Variants in AUH observed in about 807,000 individuals in gnomAD.
AUH encodes methylglutaconyl-CoA hydratase, mitochondrial.
In AUH, 29 loss-of-function variants were observed where a neutral mutation model predicts 42.3. That is an observed-to-expected ratio of 0.69 (90% confidence interval 0.51 to 0.93). AUH has a LOEUF of 0.93. Among genes scored for constraint, AUH ranks in the 40% least tolerant of loss-of-function variants. The probability of loss-of-function intolerance (pLI) is 0.00; values close to 1 mark genes in which losing one functional copy is unlikely to be tolerated. For missense variants in AUH, 452 were observed against 438.1 expected (o/e 1.03, Z -0.28); for synonymous variants, 174 against 166.4 (o/e 1.05, Z -0.35).
At chr9:91,242,719 C>A (rs1436597566) in intron 6 of AUH, among the ~76,000 whole-genome samples, 2 of 152,096 alleles carry the variant, frequency 1.3e-5, no homozygotes, top group Admixed American at 6.5e-5. Flanking sequence ...AATGAGGGTT[C>A]TAATAAAAGA....
intron 6 of AUH, among the ~76,000 whole-genome samples, chr9:91,250,199 C>T (rs1220606852): frequency 6.6e-6 from 1 of 152,152 alleles, no homozygotes; most frequent in Non-Finnish European, 1.5e-5. Context: ...GCACCTGCTG[C>T]CCAGCACATG....
chr9:91,356,160 T>G lies in AUH; in HGVS notation c.263-5A>C, dbSNP rs781278487. On this transcript the variant is annotated splice_polypyrimidine_tract_variant and splice_region_variant and intron_variant, in intron 1 of 9. Transcript: ENST00000375731. ...TTATTCCAAGCACCACAATTCCTAG[T>G]TAAAGGGGAAAAAAAGTACAAGCAC... The G allele has an allele frequency of 3.1e-6, 5 of 1,612,998 alleles. No homozygotes were observed. In the South Asian group the frequency reaches 5.5e-5, roughly 18 times the overall value.
chr9:91,286,153 G>A lies in AUH; in HGVS notation c.655+9868C>T, dbSNP rs1210506073. On this transcript the variant is annotated intron_variant, in intron 6 of 9. Coordinates refer to ENST00000375731, the MANE Select transcript of AUH (RefSeq NM_001698.3). ...TAAAAGAATAAGCTCAGATTCTGACGGAACTTCTAAAAGGATCTCAACAAA... is the reference window on the plus strand; with the variant it reads ...TAAAAGAATAAGCTCAGATTCTGACAGAACTTCTAAAAGGATCTCAACAAA... Among the ~76,000 whole-genome samples the A allele has an allele frequency of 4.6e-5, 7 of 152,176 alleles. No individual in the cohort carries two copies. In the South Asian group the frequency reaches 6.2e-4, roughly 14 times the overall value.
chr9:91,262,768 C>T (rs954706625), intron 6 of AUH, among the ~76,000 whole-genome samples: 1 of 152,144 alleles, frequency 6.6e-6, no homozygotes, highest in African/African-American at 2.4e-5. Flanking sequence ...TCCGTAACTA[C>T]TCCATCAAGG....
intron 3 of AUH, among the ~76,000 whole-genome samples, chr9:91,352,511 T>C (rs1832070882): frequency 6.6e-6 from 1 of 152,158 alleles, no homozygotes; most frequent in East Asian, 1.9e-4. Context: ...TGACCTACCA[T>C]GCTACTTTTT....
chr9:91,324,654 C>T (rs1486547321), intron 4 of AUH, among the ~76,000 whole-genome samples: 4 of 144,952 alleles, frequency 2.8e-5, no homozygotes, highest in African/African-American at 1.0e-4. Context: ...TTAACCTAGG[C>T]AAACTTCAAA....
chr9:91,349,775 G>A (rs886817900), intron 3 of AUH, among the ~76,000 whole-genome samples: 3 of 152,222 alleles, frequency 2.0e-5, no homozygotes, highest in South Asian at 2.1e-4. Flanking sequence ...TTTAGAATAT[G>A]TAAGGAGGCA....
intron 4 of AUH, among the ~76,000 whole-genome samples, chr9:91,312,272 C>T (rs1828757170): frequency 6.6e-6 from 1 of 152,182 alleles, no homozygotes; most frequent in Non-Finnish European, 1.5e-5. Context: ...ATACATTTGC[C>T]TTTCAGATCC....
intron 4 of AUH, among the ~76,000 whole-genome samples, chr9:91,309,271 C>G (rs1335569758): frequency 1.3e-5 from 2 of 151,814 alleles, no homozygotes; most frequent in African/African-American, 4.8e-5. Context: ...ACCTCCAACA[C>G]TGGGGATTAC....
intron 3 of AUH, among the ~76,000 whole-genome samples, chr9:91,326,428 T>C (rs571017061): frequency 1.2e-4 from 19 of 152,138 alleles, no homozygotes; most frequent in East Asian, 1.2e-3. Context: ...AGCAAAAAAA[T>C]GGATATAACC....
intron 4 of AUH, among the ~76,000 whole-genome samples, chr9:91,298,728 G>A (rs1021236122): frequency 5.9e-5 from 9 of 152,194 alleles, no homozygotes; most frequent in African/African-American, 1.9e-4. Flanking sequence ...CAACTTGCTT[G>A]AATCCAGAAA....
rs1392196863 is a variant in AUH at position 91,361,747 on chromosome 9, G to C, written c.143C>G (p.Ala48Gly). ...GSLAGRRAGP[A>G]IWAQGWVPAA... ...AGGTACCCAGCCCTGGGCCCAGATC[G>C]CCGGGCCCGCTCGCCGGCCTGCCAA... The change falls in exon 1 of 10, where the codon GCG becomes GGG. Residue 48 changes from alanine to glycine, a missense_variant. By Grantham distance (60) the Ala-to-Gly change is moderately conservative. Transcript: ENST00000375731. 2.6e-6 allele frequency: 4 copies of C among 1,545,048 alleles called. No homozygotes were observed. The highest frequency in any genetic ancestry group is 2.0e-5 in the Admixed American group (1 of 50,670).
At chr9:91,284,548 T>A (rs537226311) in intron 6 of AUH, among the ~76,000 whole-genome samples, 1 of 152,020 alleles carries the variant, frequency 6.6e-6, no homozygotes, top group Non-Finnish European at 1.5e-5. Context: ...GGGAGAAAAT[T>A]TTTGCAATCT....
At chr9:91,250,343 A>C (rs1829057867) in intron 6 of AUH, among the ~76,000 whole-genome samples, 1 of 152,130 alleles carries the variant, frequency 6.6e-6, no homozygotes, top group African/African-American at 2.4e-5. Context: ...GCATTCTGTA[A>C]AGGGCCCTAA....
At chr9:91,353,110 G>A (rs920334789) in intron 3 of AUH, among the ~76,000 whole-genome samples, 9 of 151,220 alleles carry the variant, frequency 6.0e-5, no homozygotes, top group Admixed American at 4.6e-4. Context: ...TTTTTGAGCC[G>A]GAGTCTCACA....
At chr9:91,320,833 T>G (rs1052485933) in intron 4 of AUH, among the ~76,000 whole-genome samples, 10 of 152,246 alleles carry the variant, frequency 6.6e-5, no homozygotes, top group Admixed American at 2.0e-4. Context: ...GGGTTGAGTC[T>G]ATTAAACCAA....
intron 3 of AUH, 40 bp downstream of exon 3, chr9:91,355,843 A>C: frequency 6.4e-7 from 1 of 1,553,254 alleles, no homozygotes; most frequent in Non-Finnish European, 8.9e-7. Context: ...AGGAAAAATC[A>C]GACTACAGTT....
intron 6 of AUH, among the ~76,000 whole-genome samples, chr9:91,291,842 C>A (rs1251770791): frequency 6.9e-6 from 1 of 145,660 alleles, no homozygotes; most frequent in South Asian, 2.2e-4. Flanking sequence ...CTCTAAGCAT[C>A]ATTTAGCATA....
At chr9:91,354,874 C>A (rs566543153) in intron 3 of AUH, among the ~76,000 whole-genome samples, 1 of 145,600 alleles carries the variant, frequency 6.9e-6, no homozygotes, top group Non-Finnish European at 1.5e-5. Flanking sequence ...TGAATATGAT[C>A]TAGACATAAG....
Sources: gnomAD v4.1 joint callset for allele counts (sites outside exome capture counted in the v4.1 genomes callset) on GRCh38, gnomAD v4.1.1 for gene constraint, MANE v1.5 for transcripts, NCBI Gene and HGNC (gene_info 2026-07-23, HGNC 2026-07-21) for gene names.